Variants in MCTP1 observed in about 807,000 individuals in gnomAD.
MCTP1 encodes multiple C2 and transmembrane domain containing 1, also known as multiple C2 and transmembrane domain-containing protein 1.
MCTP1 carries 69 observed loss-of-function variants against 120.6 expected under a neutral mutation model. The observed-to-expected ratio is 0.57, with a 90% CI of 0.47 to 0.70. The LOEUF is 0.70. Among genes scored for constraint, MCTP1 ranks in the 30% least tolerant of loss-of-function variants. MCTP1 has a pLI of 0.00. For synonymous variants in MCTP1, 529 were observed against 493.1 expected, an observed-to-expected ratio of 1.07 and a Z score of -0.96; for missense variants, 1,203 against 1,248.8, an observed-to-expected ratio of 0.96 and a Z score of 0.55.
In MCTP1 at chr5:95,285,078, CACA is replaced by C. The variant is rs1169168384; in HGVS notation, c.-506_-504del. The stretch of plus-strand genomic sequence containing the variant: ...CCAAATTGGGCGCGCACGCGGCTCA[CACA>C]ACAAGGCGCGTCTGGCTGGAGACTC... On this transcript the variant is annotated 5_prime_UTR_variant, in exon 1 of 23. Transcript: ENST00000515393. Among the ~76,000 whole-genome samples, 1 of 152,196 alleles carries C rather than the reference CACA, an allele frequency of 6.6e-6. No homozygotes were observed. The highest frequency in any genetic ancestry group is 2.4e-5 in the African/African-American group (1 of 41,468).
intron 2 of MCTP1, among the ~76,000 whole-genome samples, chr5:94,971,496 C>T (rs1329568327): frequency 6.6e-6 from 1 of 151,964 alleles, no homozygotes; most frequent in Non-Finnish European, 1.5e-5. Context: ...TTTCTGAATT[C>T]CCAAACTAAT....
At chr5:95,274,448 C>T (rs1160055976) in intron 1 of MCTP1, among the ~76,000 whole-genome samples, 2 of 152,098 alleles carry the variant, frequency 1.3e-5, no homozygotes, top group Non-Finnish European at 2.9e-5. Context: ...GCCTGTGGGA[C>T]CCACCCCAAC....
At chr5:94,947,577 T>TATATATATATAG in intron 3 of MCTP1, among the ~76,000 whole-genome samples, 19 of 47,394 alleles carry the variant, frequency 4.0e-4, no homozygotes, top group Middle Eastern at 0.014. Context: ...TATATATATA[T>TATATATATATAG]AGAGAGAGAG....
chr5:94,831,972 T>G (rs774533189), intron 17 of MCTP1, among the ~76,000 whole-genome samples: 23 of 152,152 alleles, frequency 1.5e-4, no homozygotes, highest in Non-Finnish European at 3.4e-4. Context: ...AAAAGATAAA[T>G]TCAAAAGAAG....
Position 95,123,806 on chromosome 5 carries a change from C to T in MCTP1, c.721-106322G>A, listed in dbSNP as rs976387894. Among the ~76,000 whole-genome samples, 9 of 152,080 alleles carry T rather than the reference C, an allele frequency of 5.9e-5. No individual in the cohort carries two copies. In the South Asian group the frequency reaches 8.3e-4, roughly 14 times the overall value. On this transcript the variant is annotated intron_variant, in intron 1 of 22. Coordinates refer to ENST00000515393, the MANE Select transcript of MCTP1 (RefSeq NM_024717.7). ...CTGGGACTACAGGCGCCCGCCACTG[C>T]GCCCGGCTAATTTTCTGTATTTTTA...
intron 19 of MCTP1, among the ~76,000 whole-genome samples, chr5:94,758,974 A>G (rs1191868564): frequency 6.6e-6 from 1 of 152,238 alleles, no homozygotes; most frequent in Non-Finnish European, 1.5e-5. Context: ...TATGAAATTC[A>G]TGCTGAGTAG....
At chr5:95,020,882 T>G (rs1036958722) in intron 1 of MCTP1, among the ~76,000 whole-genome samples, 5 of 152,074 alleles carry the variant, frequency 3.3e-5, no homozygotes, top group Admixed American at 6.6e-5. Context: ...CATATACAGT[T>G]GGATCTGTTT....
intron 1 of MCTP1, among the ~76,000 whole-genome samples, chr5:95,125,454 G>A (rs1031648962): frequency 2.0e-5 from 3 of 152,204 alleles, no homozygotes; most frequent in Admixed American, 6.5e-5. Context: ...TCCTGGAATC[G>A]CTAGCCACAA....
At chr5:95,191,292 A>G (rs765694274) in intron 1 of MCTP1, among the ~76,000 whole-genome samples, 18 of 152,038 alleles carry the variant, frequency 1.2e-4, no homozygotes, top group Non-Finnish European at 2.1e-4. Context: ...ATCTAACTAT[A>G]TATTTGTACC....
At chr5:94,871,458 T>C (rs1054288946) in intron 13 of MCTP1, 41 bp from the exon 14 acceptor site, 4 of 1,366,924 alleles carry the variant, frequency 2.9e-6, no homozygotes, top group Non-Finnish European at 4.2e-6. Context: ...ATTTCATCAG[T>C]AGGAAACAAC....
chr5:94,728,890 T>C (rs1244556600), intron 19 of MCTP1, among the ~76,000 whole-genome samples: 1 of 152,172 alleles, frequency 6.6e-6, no homozygotes, highest in Non-Finnish European at 1.5e-5. Context: ...CTTTTATTCA[T>C]TTACTCAATA....
chr5:95,098,808 T>C (rs1756477629), intron 1 of MCTP1, among the ~76,000 whole-genome samples: 2 of 151,828 alleles, frequency 1.3e-5, no homozygotes, highest in East Asian at 1.9e-4. Flanking sequence ...GAGCCCACAT[T>C]GCCAAGTCAA....
At chr5:95,119,462 CTT>C (rs1758048949) in intron 1 of MCTP1, among the ~76,000 whole-genome samples, 1 of 152,042 alleles carries the variant, frequency 6.6e-6, no homozygotes, top group African/African-American at 2.4e-5. Flanking sequence ...AACAATGCAT[CTT>C]TAAAAGTTAG....
intron 1 of MCTP1, among the ~76,000 whole-genome samples, chr5:95,196,708 A>G (rs191743987): frequency 7.3e-4 from 111 of 152,342 alleles, no homozygotes; most frequent in African/African-American, 2.4e-3. Flanking sequence ...TTTGGTTGGC[A>G]TGAGGGCTGT....
chr5:94,899,752 C>T (rs1805016891), intron 10 of MCTP1, among the ~76,000 whole-genome samples: 1 of 152,194 alleles, frequency 6.6e-6, no homozygotes, highest in African/African-American at 2.4e-5. Context: ...TATGGATGCA[C>T]CTGCTAAGCA....
chr5:95,181,605 A>T (rs1415677975), intron 1 of MCTP1, among the ~76,000 whole-genome samples: 1 of 149,532 alleles, frequency 6.7e-6, no homozygotes, highest in Non-Finnish European at 1.5e-5. Context: ...ACACAGGGTG[A>T]GAGAGAGAGA....
At chr5:94,820,199 C>G (rs1205925399) in intron 17 of MCTP1, among the ~76,000 whole-genome samples, 3 of 152,182 alleles carry the variant, frequency 2.0e-5, no homozygotes, top group African/African-American at 7.2e-5. Context: ...AAACAAATAT[C>G]TGACTATTTA....
chr5:95,172,887 C>G lies in MCTP1; in HGVS notation c.720+110969G>C, dbSNP rs142710084. On this transcript the variant is annotated intron_variant, in intron 1 of 22. Transcript: ENST00000515393. ...GGGCTCTGAGAGAACACAATAAACA[C>G]CCTAGAGCTTAACAATAAGTATATG... Among the ~76,000 whole-genome samples, 464 of 152,126 alleles carry G rather than the reference C, an allele frequency of 3.1e-3. 1 individual carries two copies. The highest frequency in any genetic ancestry group is 0.011 in the African/African-American group (442 of 41,512).
At chr5:95,201,659 C>T (rs938985006) in intron 1 of MCTP1, among the ~76,000 whole-genome samples, 4 of 151,694 alleles carry the variant, frequency 2.6e-5, no homozygotes, top group Non-Finnish European at 5.9e-5. Flanking sequence ...TGCCCGCCAT[C>T]ATGCCTGGCT....
Sources: allele counts gnomAD v4.1 joint callset (sites outside exome capture counted in the v4.1 genomes callset), GRCh38; gene constraint gnomAD v4.1.1; transcripts MANE v1.5; gene names NCBI Gene and HGNC (gene_info 2026-07-23, HGNC 2026-07-21).